The following CNTNAP4 variants were observed in gnomAD, a reference collection of about 807,000 sequenced individuals.
The protein encoded by CNTNAP4 is contactin associated protein family member 4.
CNTNAP4 carries 98 observed loss-of-function variants against 148.4 expected under a neutral mutation model. The observed-to-expected ratio is 0.66, with a 90% confidence interval of 0.56 to 0.78. The LOEUF (loss-of-function observed/expected upper bound fraction) is 0.78. CNTNAP4 is among the 30% of genes least tolerant of loss of function. CNTNAP4 has a pLI of 0.00. For synonymous variants in CNTNAP4, 730 were observed against 565.1 expected (o/e 1.29, Z -4.14); for missense variants, 1,935 against 1,565.6 (o/e 1.24, Z -3.98).
chr16:76,556,746 A>G (rs1358639518), intron 23 of CNTNAP4, among the ~76,000 whole-genome samples: 1 of 152,244 alleles, frequency 6.6e-6, no homozygotes, highest in Non-Finnish European at 1.5e-5. Flanking sequence ...TAATATGACT[A>G]ATAACAAAAG....
chr16:76,445,071 A>G (rs1017153817), intron 4 of CNTNAP4, among the ~76,000 whole-genome samples: 11 of 152,146 alleles, frequency 7.2e-5, no homozygotes, highest in Non-Finnish European at 1.5e-4. Context: ...TGAATGGGAC[A>G]GTGCTGGGAA....
chr16:76,401,332 C>G (rs1250151638), intron 3 of CNTNAP4, among the ~76,000 whole-genome samples: 1 of 151,952 alleles, frequency 6.6e-6, no homozygotes, highest in Non-Finnish European at 1.5e-5. Context: ...TGATTTGGCT[C>G]TTGGCTTGGT....
chr16:76,387,106 AG>A (rs1317439399), intron 3 of CNTNAP4, among the ~76,000 whole-genome samples: 1 of 152,198 alleles, frequency 6.6e-6, no homozygotes, highest in Non-Finnish European at 1.5e-5. Flanking sequence ...AACCTGTGTC[AG>A]ATTTTTGGAC....
intron 11 of CNTNAP4, among the ~76,000 whole-genome samples, chr16:76,476,832 T>C (rs887105806): frequency 6.6e-6 from 1 of 152,098 alleles, no homozygotes; most frequent in Non-Finnish European, 1.5e-5. Context: ...ACATACACGT[T>C]TTGAGGGGAC....
chr16:76,523,623 A>G (rs1364379433), intron 17 of CNTNAP4, among the ~76,000 whole-genome samples: 1 of 152,176 alleles, frequency 6.6e-6, no homozygotes, highest in East Asian at 1.9e-4. Context: ...AAAGCAGAAT[A>G]AATGATAAGT....
At chr16:76,395,656 C>T (rs559826859) in intron 3 of CNTNAP4, among the ~76,000 whole-genome samples, 1 of 151,928 alleles carries the variant, frequency 6.6e-6, no homozygotes, top group Admixed American at 6.6e-5. Flanking sequence ...ATATAAACAC[C>T]ATTAGGCAGT....
At chr16:76,337,539 C>A (rs552764348) in intron 2 of CNTNAP4, among the ~76,000 whole-genome samples, 69 of 152,184 alleles carry the variant, frequency 4.5e-4, no homozygotes, top group Admixed American at 9.8e-4. Flanking sequence ...GATCACAAGG[C>A]AGAGGGTGAA....
Position 76,475,993 on chromosome 16 carries a change from C to T in CNTNAP4, c.1710C>T (p.Thr570=). 1 of 1,613,898 alleles carries T rather than the reference C, an allele frequency of 6.2e-7. No homozygotes were observed. The highest frequency in any genetic ancestry group is 8.5e-7 in the Non-Finnish European group (1 of 1,179,838). Residue 570 remains threonine, a synonymous_variant, in exon 11 of 24, where the codon ACC becomes ACT. Transcript: ENST00000611870. The part of the protein sequence containing the change: ...HGGECSQSWS[T]FHCNCTNTGY... ...GGGAGTGTTCCCAGTCCTGGAGCAC[C>T]TTTCATTGTAACTGTACCAACACTG...
Position 76,277,629 on chromosome 16 carries a change from C to G in CNTNAP4, c.-34C>G. 1 of 1,508,534 alleles carries G rather than the reference C, an allele frequency of 6.6e-7. No homozygotes were observed. The highest frequency in any genetic ancestry group is 1.7e-4 in the Middle Eastern group (1 of 5,880). The allele number at this position is 1,508,534 out of a possible 1,614,324, so 93.4% of individuals were successfully genotyped here. A position where few individuals can be genotyped will look rare whatever the true frequency, so the allele number is the denominator to read the frequency against. On this transcript the variant is annotated 5_prime_UTR_variant, in exon 1 of 24. Coordinates refer to ENST00000611870, the MANE Select transcript of CNTNAP4 (RefSeq NM_033401.5). The stretch of plus-strand genomic sequence containing the variant: ...GGACTGGAGCGCTCTGAGAGCCTCT[C>G]AAGATCTTTTGGGGGAGCCCAATAA...
intron 12 of CNTNAP4, among the ~76,000 whole-genome samples, chr16:76,482,335 A>G (rs1329747264): frequency 6.6e-6 from 1 of 152,006 alleles, no homozygotes; most frequent in Non-Finnish European, 1.5e-5. Flanking sequence ...ATAACGACAC[A>G]GTTTTTGCCC....
intron 2 of CNTNAP4, among the ~76,000 whole-genome samples, chr16:76,351,721 G>T (rs1453469621): frequency 6.6e-6 from 1 of 152,194 alleles, no homozygotes; most frequent in Non-Finnish European, 1.5e-5. Context: ...TCAATTAACT[G>T]TGAATGTTTC....
At chr16:76,463,343 A>G (rs2081053271) in intron 9 of CNTNAP4, among the ~76,000 whole-genome samples, 1 of 152,192 alleles carries the variant, frequency 6.6e-6, no homozygotes, top group Admixed American at 6.5e-5. Context: ...ATTGTTTGTA[A>G]ATCATGAAAA....
At chr16:76,298,039 A>G (rs947078392) in intron 1 of CNTNAP4, among the ~76,000 whole-genome samples, 5 of 152,032 alleles carry the variant, frequency 3.3e-5, no homozygotes, top group Admixed American at 6.6e-5. Context: ...ATAGTCACAA[A>G]TTACTGTGGC....
intron 17 of CNTNAP4, among the ~76,000 whole-genome samples, chr16:76,530,484 A>G (rs1232355625): frequency 6.6e-6 from 1 of 152,172 alleles, no homozygotes; most frequent in Non-Finnish European, 1.5e-5. Flanking sequence ...GGACAAGAGA[A>G]TGTGATTATT....
At chr16:76,402,028 T>C (rs1194247052) in intron 3 of CNTNAP4, among the ~76,000 whole-genome samples, 2 of 152,098 alleles carry the variant, frequency 1.3e-5, no homozygotes, top group African/African-American at 2.4e-5. Flanking sequence ...CTCTGCCAGG[T>C]TTTGGTATCA....
At chr16:76,329,742 A>G (rs1187510682) in intron 2 of CNTNAP4, among the ~76,000 whole-genome samples, 1 of 152,230 alleles carries the variant, frequency 6.6e-6, no homozygotes, top group Non-Finnish European at 1.5e-5. Flanking sequence ...ATTGATATAT[A>G]ATTAATAGTA....
At chr16:76,305,943 A>G (rs781022908) in intron 1 of CNTNAP4, among the ~76,000 whole-genome samples, 6 of 152,164 alleles carry the variant, frequency 3.9e-5, no homozygotes, top group African/African-American at 1.4e-4. Context: ...AATTTACTTA[A>G]GCTTATGGCT....
rs80096970 is a variant in CNTNAP4, at chr16:76,279,046, C to T, written c.85+1299C>T. ...AAGTCAATAAAATGTATAATTTCACCTAGTCAAAACCTTGGAATCTTATAA... is the reference window on the plus strand; with the variant it reads ...AAGTCAATAAAATGTATAATTTCACTTAGTCAAAACCTTGGAATCTTATAA... On this transcript the variant is annotated intron_variant, in intron 1 of 23. Coordinates refer to ENST00000611870, the MANE Select transcript of CNTNAP4 (RefSeq NM_033401.5). Among the ~76,000 whole-genome samples the T allele has an allele frequency of 7.5e-3, 1,146 of 152,252 alleles. 19 individuals are homozygous for T. Among genetic ancestry groups the T allele is most frequent in the East Asian group, 0.037 (191 of 5,178 alleles).
chr16:76,331,033 A>G lies in CNTNAP4; in HGVS notation c.196+14510A>G, dbSNP rs185755018. Among the ~76,000 whole-genome samples, 624 of 152,260 alleles carry G rather than the reference A, an allele frequency of 4.1e-3. 7 individuals carry two copies. Among genetic ancestry groups the G allele is most frequent in the African/African-American group, 0.014 (583 of 41,532 alleles). On this transcript the variant is annotated intron_variant, in intron 2 of 23. Transcript: ENST00000611870. ...AAATTCACATAACATACAATTAACC[A>G]TTGTAAAGTATAAAATTTGGTGGCA...
Sources: allele counts gnomAD v4.1 joint callset (sites outside exome capture counted in the v4.1 genomes callset), GRCh38; gene constraint gnomAD v4.1.1; transcripts MANE v1.5; gene names NCBI Gene and HGNC (gene_info 2026-07-23, HGNC 2026-07-21).